CSMD2: variants seen among roughly 807,000 people sequenced by gnomAD.
CSMD2 encodes CUB and Sushi multiple domains 2, also known as CUB and sushi domain-containing protein 2.
In CSMD2, 130 loss-of-function variants were observed where a neutral mutation model predicts 398.5. The ratio of observed to expected loss-of-function variants is 0.33; its 90% confidence interval spans 0.28 to 0.38. The LOEUF (loss-of-function observed/expected upper bound fraction) is 0.38. Ranked by LOEUF, CSMD2 falls within the 10% of genes least tolerant of loss-of-function variation. The probability of loss-of-function intolerance (pLI) is 1.00; values close to 1 mark genes in which losing one functional copy is unlikely to be tolerated. For synonymous variants in CSMD2, 1,828 were observed against 1,908.5 expected (o/e 0.96, Z 1.10); for missense variants, 3,829 against 4,764.9 (o/e 0.80, Z 5.78).
chr1:33,935,795 C>G lies in CSMD2; in HGVS notation c.677G>C (p.Ser226Thr). The change falls in exon 4 of 71, where the codon AGC (serine) becomes ACC (threonine). Residue 226 changes from serine (S) to threonine (T), a missense_variant. By Grantham distance (58) the Ser-to-Thr change is moderately conservative. Transcript: ENST00000373381. ...VLTCHAGSEN[S>T]ATWDFPLPSC... ...AGGCAGGGGGAAGTCCCACGTGGCG[C>G]TGTTCTCAGAGCCAGCGTGGCAGGT... 1 of 1,613,034 alleles carries G rather than the reference C, an allele frequency of 6.2e-7. No individual in the cohort carries two copies. Among genetic ancestry groups the G allele is most frequent in the Non-Finnish European group, 8.5e-7 (1 of 1,179,378 alleles).
At chr1:33,930,201 G>T (rs1644266570) in intron 4 of CSMD2, among the ~76,000 whole-genome samples, 1 of 152,206 alleles carries the variant, frequency 6.6e-6, no homozygotes, top group Non-Finnish European at 1.5e-5. Flanking sequence ...AGAGAAAGTT[G>T]TTGAGTAGCC....
At chr1:33,800,377 G>T (rs1655449424) in intron 10 of CSMD2, among the ~76,000 whole-genome samples, 1 of 152,184 alleles carries the variant, frequency 6.6e-6, no homozygotes, top group Non-Finnish European at 1.5e-5. Flanking sequence ...GTACTAAGAA[G>T]GGTCAGAGGT....
At chr1:34,159,151 C>T (rs2148578508) in intron 1 of CSMD2, among the ~76,000 whole-genome samples, 1 of 152,346 alleles carries the variant, frequency 6.6e-6, no homozygotes, top group African/African-American at 2.4e-5. Context: ...CACTGCCCTG[C>T]CTCAGTTCAC....
intron 62 of CSMD2, 148 bp downstream of exon 62, chr1:33,536,874 C>A: frequency 2.8e-6 from 2 of 710,446 alleles, no homozygotes; most frequent in East Asian, 2.7e-5. Flanking sequence ...GAGCACTGTT[C>A]AAAGAGGCAG....
chr1:34,153,866 T>C (rs1389296898), intron 1 of CSMD2, among the ~76,000 whole-genome samples: 2 of 152,146 alleles, frequency 1.3e-5, no homozygotes, highest in Non-Finnish European at 1.5e-5. Context: ...TCTCAATTTC[T>C]ACCTCCCCAA....
chr1:33,955,406 C>T (rs539906265), intron 3 of CSMD2, among the ~76,000 whole-genome samples: 29 of 152,002 alleles, frequency 1.9e-4, no homozygotes, highest in South Asian at 6.2e-4. Flanking sequence ...TAATTACCCG[C>T]GTGTCCCTTC....
intron 25 of CSMD2, among the ~76,000 whole-genome samples, chr1:33,678,148 G>A (rs1644782090): frequency 6.6e-6 from 1 of 150,998 alleles, no homozygotes; most frequent in South Asian, 2.1e-4. Flanking sequence ...GCTCCTCCCC[G>A]ACTTCTCTTG....
At chr1:33,734,349 C>T (rs1226827985) in intron 15 of CSMD2, among the ~76,000 whole-genome samples, 2 of 152,144 alleles carry the variant, frequency 1.3e-5, no homozygotes, top group Non-Finnish European at 2.9e-5. Flanking sequence ...TTTTTACAAC[C>T]ACCAAGTATT....
intron 5 of CSMD2, chr1:33,862,047 G>A (rs886285521): frequency 2.6e-5 from 4 of 152,280 alleles, no homozygotes; most frequent in African/African-American, 9.7e-5. Flanking sequence ...GAAGGTTGAA[G>A]AGAGGTTGGA....
At chr1:33,613,201 T>A (rs1641160909) in intron 40 of CSMD2, among the ~76,000 whole-genome samples, 1 of 152,198 alleles carries the variant, frequency 6.6e-6, no homozygotes, top group Non-Finnish European at 1.5e-5. Flanking sequence ...AGCAGTAGCT[T>A]CTTCCCTGAA....
intron 7 of CSMD2, among the ~76,000 whole-genome samples, chr1:33,824,872 G>C (rs1011213528): frequency 6.6e-6 from 1 of 152,042 alleles, no homozygotes; most frequent in African/African-American, 2.4e-5. Flanking sequence ...TCATTTGGAG[G>C]ACCAAGGAAG....
At chr1:34,023,877 C>CGG (rs1649276037) in intron 3 of CSMD2, among the ~76,000 whole-genome samples, 1 of 152,146 alleles carries the variant, frequency 6.6e-6, no homozygotes, top group Non-Finnish European at 1.5e-5. Flanking sequence ...GAAACCTAAC[C>CGG]GGGCATGAGA....
intron 10 of CSMD2, among the ~76,000 whole-genome samples, chr1:33,800,543 G>C (rs561913257): frequency 6.6e-6 from 1 of 152,276 alleles, no homozygotes; most frequent in South Asian, 2.1e-4. Context: ...AGGGGCATTG[G>C]CAGGCAAGAT....
At chr1:33,598,062 T>C (rs1024762298) in intron 44 of CSMD2, among the ~76,000 whole-genome samples, 3 of 152,058 alleles carry the variant, frequency 2.0e-5, no homozygotes, top group African/African-American at 4.8e-5. Flanking sequence ...TGGAGTAAAA[T>C]AAAAAGAAAA....
At chr1:33,619,698 T>C (rs1641640052) in intron 37 of CSMD2, among the ~76,000 whole-genome samples, 1 of 152,174 alleles carries the variant, frequency 6.6e-6, no homozygotes, top group Non-Finnish European at 1.5e-5. Flanking sequence ...CTCACACTTT[T>C]CCCAGGCAAT....
At chr1:33,673,525 G>T (rs1018586984) in intron 25 of CSMD2, among the ~76,000 whole-genome samples, 9 of 152,284 alleles carry the variant, frequency 5.9e-5, no homozygotes, top group Middle Eastern at 3.4e-3. Flanking sequence ...GAACCAAGTT[G>T]GAAAACACTC....
chr1:33,527,528 G>C (rs1654882852), intron 64 of CSMD2, among the ~76,000 whole-genome samples: 1 of 152,140 alleles, frequency 6.6e-6, no homozygotes, highest in Non-Finnish European at 1.5e-5. Context: ...GGATATAGTG[G>C]TATATATGAT....
chr1:33,744,288 C>T (rs1647192953), intron 13 of CSMD2, among the ~76,000 whole-genome samples: 2 of 152,154 alleles, frequency 1.3e-5, no homozygotes, highest in Admixed American at 6.5e-5. Context: ...CATTTGTCTC[C>T]TTCAAACATT....
chr1:34,106,218 G>C (rs1021756182), intron 1 of CSMD2, among the ~76,000 whole-genome samples: 2 of 152,158 alleles, frequency 1.3e-5, no homozygotes, highest in African/African-American at 4.8e-5. Context: ...CACGTGACAA[G>C]TGGTTCAGGG....
Sources: gnomAD v4.1 joint callset for allele counts (sites outside exome capture counted in the v4.1 genomes callset) on GRCh38, gnomAD v4.1.1 for gene constraint, MANE v1.5 for transcripts, NCBI Gene and HGNC (gene_info 2026-07-23, HGNC 2026-07-21) for gene names.